PTPN14: variants seen among roughly 807,000 people sequenced by gnomAD.
PTPN14 encodes the protein protein tyrosine phosphatase non-receptor type 14, also known as tyrosine-protein phosphatase non-receptor type 14.
A neutral mutation model predicts 126.8 loss-of-function variants in PTPN14; 53 were observed. That is an observed-to-expected ratio of 0.42 (90% CI 0.34 to 0.53). The LOEUF (loss-of-function observed/expected upper bound fraction) is 0.53, where lower values mean the gene tolerates loss of function less well. Among genes scored for constraint, PTPN14 ranks in the 20% least tolerant of loss-of-function variants. The pLI is 0.08. For synonymous variants in PTPN14, 630 were observed against 599.3 expected, an observed-to-expected ratio of 1.05 and a Z score of -0.75; for missense variants, 1,257 against 1,552.9, an observed-to-expected ratio of 0.81 and a Z score of 3.20.
chr1:214,532,354 T>C (rs1273894206), intron 1 of PTPN14: 4 of 569,708 alleles, frequency 7.0e-6, no homozygotes, highest in Non-Finnish European at 1.3e-5. Context: ...TGGGATGGCT[T>C]GGGGTCCCGG....
chr1:214,545,339 T>C (rs949711944), intron 1 of PTPN14, among the ~76,000 whole-genome samples: 6 of 151,844 alleles, frequency 4.0e-5, no homozygotes, highest in Non-Finnish European at 5.9e-5. Flanking sequence ...AGGGTCATCC[T>C]ATGGTGCAAA....
At chr1:214,418,141 A>T (rs1366495695) in intron 3 of PTPN14, among the ~76,000 whole-genome samples, 1 of 152,202 alleles carries the variant, frequency 6.6e-6, no homozygotes, top group East Asian at 1.9e-4. Context: ...GTCCAGAGCC[A>T]GTGACCGGTT....
Position 214,350,148 on chromosome 1 carries a change from C to T in PTPN14, c.*7774G>A, listed in dbSNP as rs1227609647. 6.6e-6 allele frequency: 1 copy of T among 152,172 alleles called. No individual in the cohort carries two copies. Among genetic ancestry groups the T allele is most frequent in the East Asian group, 1.9e-4 (1 of 5,192 alleles). The allele number at this position is 152,172 out of a possible 1,614,324, so 9.4% of individuals were successfully genotyped here. A position where few individuals can be genotyped will look rare whatever the true frequency, so the allele number is the denominator to read the frequency against. On this transcript the variant is annotated 3_prime_UTR_variant, in exon 19 of 19. Transcript: ENST00000366956. ...TAGCTTACATACAGATTTTGGATGA[C>T]CCGCTAATCTTTCCCCTTCCTAGGT...
At chr1:214,431,288 C>T (rs17022929) in intron 3 of PTPN14, among the ~76,000 whole-genome samples, 5,970 of 152,160 alleles carry the variant, frequency 0.039, 380 homozygotes, top group African/African-American at 0.13. Flanking sequence ...TAGAAGGATG[C>T]TTTAGAGTTG....
intron 2 of PTPN14, among the ~76,000 whole-genome samples, chr1:214,456,057 C>A (rs555802590): frequency 2.0e-5 from 3 of 152,200 alleles, no homozygotes; most frequent in South Asian, 2.1e-4. Flanking sequence ...CCCACCTTAG[C>A]TATTAAAAGG....
intron 1 of PTPN14, among the ~76,000 whole-genome samples, chr1:214,466,565 C>T (rs566658108): frequency 5.9e-5 from 9 of 152,320 alleles, no homozygotes; most frequent in Admixed American, 2.6e-4. Context: ...CCTTATTGCT[C>T]CACCCTGAGC....
At chr1:214,548,489 C>G (rs1656026763) in intron 1 of PTPN14, among the ~76,000 whole-genome samples, 1 of 152,176 alleles carries the variant, frequency 6.6e-6, no homozygotes, top group Admixed American at 6.5e-5. Flanking sequence ...AGTATTTCAT[C>G]TTGTCTTTCT....
At chr1:214,430,411 G>A (rs1325955916) in intron 3 of PTPN14, among the ~76,000 whole-genome samples, 3 of 152,270 alleles carry the variant, frequency 2.0e-5, no homozygotes, top group South Asian at 2.1e-4. Context: ...GCTAGGCCAC[G>A]ATATCCATAT....
At chr1:214,455,257 T>C (rs1660358253) in intron 2 of PTPN14, among the ~76,000 whole-genome samples, 1 of 152,220 alleles carries the variant, frequency 6.6e-6, no homozygotes, top group Admixed American at 6.5e-5. Context: ...GTGGTTAACT[T>C]GCCAATTTAA....
At chr1:214,482,941 A>C (rs1661028322) in intron 1 of PTPN14, 15 of 1,606,590 alleles carry the variant, frequency 9.3e-6, no homozygotes, top group Non-Finnish European at 1.1e-5. Flanking sequence ...CCACCCTCAG[A>C]TTTTTCCAGC....
At chr1:214,369,078 CAT>C (rs1658153254) in intron 17 of PTPN14, among the ~76,000 whole-genome samples, 1 of 152,184 alleles carries the variant, frequency 6.6e-6, no homozygotes, top group Admixed American at 6.5e-5. Flanking sequence ...CTAGGAACCT[CAT>C]ATAAGTGGAA....
At chr1:214,394,503 G>A (rs1658832336) in intron 9 of PTPN14, among the ~76,000 whole-genome samples, 1 of 152,194 alleles carries the variant, frequency 6.6e-6, no homozygotes. Flanking sequence ...TGCCTCCTGG[G>A]TTCAAGCAAT....
intron 1 of PTPN14, among the ~76,000 whole-genome samples, chr1:214,509,998 AGGCTATCTT>A (rs1461517598): frequency 6.6e-6 from 1 of 152,204 alleles, no homozygotes; most frequent in Non-Finnish European, 1.5e-5. Context: ...GGTAGCTTTC[AGGCTATCTT>A]GGCTTTCAAT....
intron 1 of PTPN14, among the ~76,000 whole-genome samples, chr1:214,535,240 A>G (rs1254051988): frequency 6.6e-6 from 1 of 152,116 alleles, no homozygotes; most frequent in Admixed American, 6.6e-5. Context: ...TTTAGATGCT[A>G]CCTCTTTATA....
intron 1 of PTPN14, among the ~76,000 whole-genome samples, chr1:214,517,199 CA>C (rs1179669368): frequency 6.6e-6 from 1 of 152,198 alleles, no homozygotes; most frequent in African/African-American, 2.4e-5. Context: ...GCCTCAAGGA[CA>C]TGGTCACCTC....
chr1:214,538,862 T>C (rs1320142682), intron 1 of PTPN14, among the ~76,000 whole-genome samples: 1 of 152,204 alleles, frequency 6.6e-6, no homozygotes, highest in East Asian at 1.9e-4. Context: ...TATCTGAATT[T>C]TTCTTTGAAG....
chr1:214,464,638 GCTCCAGC>G lies in PTPN14; in HGVS notation c.159_165del (p.Arg53SerfsTer28). Reference sequence around the variant, plus strand: ...AGACACACCCCTCTTACCTCTCGCAGCTCCAGCCTCTGGGCCACAGCCTCCAGGCATT... The same window carrying G: ...AGACACACCCCTCTTACCTCTCGCAGCTCTGGGCCACAGCCTCCAGGCATT... On this transcript the variant is annotated frameshift_variant, in exon 2 of 19. Transcript: ENST00000366956. LOFTEE classifies it high-confidence loss of function. 1 of 1,614,124 alleles carries G rather than the reference GCTCCAGC, an allele frequency of 6.2e-7. No individual in the cohort carries two copies. Among genetic ancestry groups the G allele is most frequent in the Non-Finnish European group, 8.5e-7 (1 of 1,179,938 alleles).
In PTPN14 at chr1:214,357,951, G is replaced by A. The variant is rs2102500515; in HGVS notation, c.3535C>T (p.Gln1179Ter). The change falls in exon 19 of 19, where the codon CAG becomes TAG. Residue 1179 changes from glutamine to a stop codon, truncating the protein, a stop_gained. Transcript: ENST00000366956. LOFTEE classifies it high-confidence loss of function. ...ATGAGTCTGGAGTTTTGGAGGAACT[G>A]GATGAGGACTTGGTAGACAAACTTG... is the stretch of plus-strand genomic sequence containing the variant. ...QYKFVYQVLIQFLQNSRLI is the reference protein window; with the variant it reads ...QYKFVYQVLI 6.2e-7 allele frequency: 1 copy of A among 1,613,082 alleles called. No homozygotes were observed. The highest frequency in any genetic ancestry group is 8.5e-7 in the Non-Finnish European group (1 of 1,179,404).
chr1:214,533,525 C>T (rs12135749), intron 1 of PTPN14: 4,966 of 319,684 alleles, frequency 0.016, 58 homozygotes, highest in South Asian at 0.027. Flanking sequence ...AAAAGTTCAG[C>T]GGTTTAAATA....
Sources: gnomAD v4.1 joint callset for allele counts (sites outside exome capture counted in the v4.1 genomes callset) on GRCh38, gnomAD v4.1.1 for gene constraint, MANE v1.5 for transcripts, NCBI Gene and HGNC (gene_info 2026-07-23, HGNC 2026-07-21) for gene names.